Variants in ELAVL4 observed in about 807,000 individuals in gnomAD.
ELAVL4 encodes the protein ELAV like RNA binding protein 4, also known as ELAV-like protein 4.
In ELAVL4, 1 loss-of-function variant was observed where a neutral mutation model predicts 35.6. That is an observed-to-expected ratio of 0.03 (90% CI 0.01 to 0.13). The LOEUF is 0.13. Ranked by LOEUF, ELAVL4 falls within the 10% of genes least tolerant of loss-of-function variation. ELAVL4 has a pLI of 1.00. For missense variants in ELAVL4, 267 were observed against 464.9 expected, an observed-to-expected ratio of 0.57 and a Z score of 3.91; for synonymous variants, 156 against 171.0, an observed-to-expected ratio of 0.91 and a Z score of 0.69.
chr1:50,143,425 G>C (rs182062433), intron 1 of ELAVL4, among the ~76,000 whole-genome samples: 1 of 152,302 alleles, frequency 6.6e-6, no homozygotes, highest in East Asian at 1.9e-4. Flanking sequence ...GACAGTGAGA[G>C]AAGTCACATT....
At position 50,138,141 on chromosome 1, in the gene ELAVL4, G is replaced by A. The variant is rs567839447; in HGVS notation, c.10-6816G>A. ...ACAGTTCTCAGCCACCTTGGTGTGA[G>A]GTAGGTAGAGGGCAGAGGGTAGGTC... On this transcript the variant is annotated intron_variant, in intron 1 of 6. Coordinates refer to ENST00000371824, the MANE Select transcript of ELAVL4 (RefSeq NM_001144774.3). 2.6e-4 allele frequency among the ~76,000 whole-genome samples: 40 copies of A among 152,288 alleles called. 1 individual carries two copies. In the South Asian group the frequency reaches 7.7e-3, roughly 29 times the overall value.
chr1:50,173,375 A>G (rs1679388469), intron 2 of ELAVL4, among the ~76,000 whole-genome samples: 1 of 152,250 alleles, frequency 6.6e-6, no homozygotes, highest in Admixed American at 6.5e-5. Flanking sequence ...TGTTTAATTC[A>G]AAATACTCTG....
At chr1:50,101,221 A>G (rs746791593), upstream of ELAVL4, among the ~76,000 whole-genome samples, 1 of 152,202 alleles carries the variant, frequency 6.6e-6, no homozygotes, top group African/African-American at 2.4e-5. Context: ...AAATAAGGAC[A>G]TATAACTTAA....
intron 3 of ELAVL4, among the ~76,000 whole-genome samples, chr1:50,193,430 C>CA (rs1030487496): frequency 6.6e-6 from 1 of 150,502 alleles, no homozygotes; most frequent in African/African-American, 2.4e-5. Flanking sequence ...ATCATCTATA[C>CA]ACCCACTTCC....
At chr1:50,133,633 AAG>A (rs1311110122) in intron 1 of ELAVL4, among the ~76,000 whole-genome samples, 1 of 149,444 alleles carries the variant, frequency 6.7e-6, no homozygotes, top group African/African-American at 2.5e-5. Flanking sequence ...GAAAGAAAGA[AAG>A]AAAGAAAGAA....
intron 1 of ELAVL4, among the ~76,000 whole-genome samples, chr1:50,143,194 G>A (rs1227676454): frequency 6.6e-6 from 1 of 152,126 alleles, no homozygotes; most frequent in African/African-American, 2.4e-5. Context: ...TGTGAATTGT[G>A]TTCACTTTGT....
intron 1 of ELAVL4, among the ~76,000 whole-genome samples, chr1:50,094,964 G>A (rs1355927276): frequency 4.6e-5 from 7 of 151,922 alleles, no homozygotes; most frequent in Non-Finnish European, 7.4e-5. Context: ...AAAATTATTC[G>A]GAGGAAGATT....
chr1:50,177,786 A>G (rs1680308806), intron 3 of ELAVL4, among the ~76,000 whole-genome samples: 1 of 152,230 alleles, frequency 6.6e-6, no homozygotes, highest in African/African-American at 2.4e-5. Flanking sequence ...AGGGATGGGT[A>G]CTATAATAAA....
chr1:50,125,251 A>T (rs1669706034), intron 1 of ELAVL4, among the ~76,000 whole-genome samples: 2 of 152,032 alleles, frequency 1.3e-5, no homozygotes, highest in African/African-American at 2.4e-5. Flanking sequence ...TAAAAAAAAA[A>T]AATAAAAGTA....
intron 2 of ELAVL4, 60 bp downstream of exon 2, chr1:50,145,257 C>A: frequency 6.2e-7 from 1 of 1,603,220 alleles, no homozygotes; most frequent in Non-Finnish European, 8.5e-7. Flanking sequence ...AGCAGAAATG[C>A]ACATGTGTGA....
At chr1:50,140,547 C>T (rs1389945194) in intron 1 of ELAVL4, among the ~76,000 whole-genome samples, 1 of 152,132 alleles carries the variant, frequency 6.6e-6, no homozygotes, top group Non-Finnish European at 1.5e-5. Flanking sequence ...GTTTTAAAAT[C>T]CTCTTGTTTC....
intron 2 of ELAVL4, chr1:50,174,324 T>G (rs1572530240): frequency 6.6e-6 from 1 of 152,312 alleles, no homozygotes; most frequent in Middle Eastern, 3.4e-3. Flanking sequence ...GGTACCAGAC[T>G]ATCTCATATC....
intron 2 of ELAVL4, among the ~76,000 whole-genome samples, chr1:50,158,137 A>G (rs1420688332): frequency 6.6e-6 from 1 of 152,188 alleles, no homozygotes; most frequent in Non-Finnish European, 1.5e-5. Context: ...TGTGAACATT[A>G]ATTTATGTAA....
chr1:50,102,004 T>C (rs11205682), upstream of ELAVL4, among the ~76,000 whole-genome samples: 14,119 of 152,202 alleles, frequency 0.093, 899 homozygotes, highest in African/African-American at 0.17. Context: ...CCTGTTAATT[T>C]CATCCAGGTG....
chr1:50,084,191 C>T (rs998811263), intron 1 of ELAVL4, among the ~76,000 whole-genome samples: 6 of 152,138 alleles, frequency 3.9e-5, no homozygotes, highest in African/African-American at 1.4e-4. Flanking sequence ...GATAAATCAT[C>T]CATGATCTTC....
At chr1:50,150,651 G>A (rs1674622145) in intron 2 of ELAVL4, among the ~76,000 whole-genome samples, 1 of 152,092 alleles carries the variant, frequency 6.6e-6, no homozygotes, top group South Asian at 2.1e-4. Flanking sequence ...TTGTTTTAAT[G>A]TACCTTATAT....
intron 2 of ELAVL4, among the ~76,000 whole-genome samples, chr1:50,151,649 A>G (rs1241264815): frequency 1.3e-5 from 2 of 152,220 alleles, no homozygotes; most frequent in East Asian, 3.9e-4. Context: ...AGCAAATGGT[A>G]GCATTTATCA....
chr1:50,148,434 A>G (rs1343799787), intron 2 of ELAVL4, among the ~76,000 whole-genome samples: 4 of 152,124 alleles, frequency 2.6e-5, no homozygotes, highest in Non-Finnish European at 5.9e-5. Context: ...TGGGGATATA[A>G]CTCAGCCTTT....
At chr1:50,170,604 G>T (rs955328798) in intron 2 of ELAVL4, among the ~76,000 whole-genome samples, 1 of 152,156 alleles carries the variant, frequency 6.6e-6, no homozygotes, top group African/African-American at 2.4e-5. Context: ...ATGTGCATTT[G>T]ACTTACCTGA....
Sources: allele counts gnomAD v4.1 joint callset (sites outside exome capture counted in the v4.1 genomes callset), GRCh38; gene constraint gnomAD v4.1.1; transcripts MANE v1.5; gene names NCBI Gene and HGNC (gene_info 2026-07-23, HGNC 2026-07-21).